The following FRMPD1 variants were observed in gnomAD, a reference collection of about 807,000 sequenced individuals.
The protein encoded by FRMPD1 is FERM and PDZ domain-containing protein 1.
A neutral mutation model predicts 117.8 loss-of-function variants in FRMPD1; 76 were observed. The observed-to-expected ratio is 0.65, with a 90% confidence interval of 0.54 to 0.78. The LOEUF is 0.78. Among genes scored for constraint, FRMPD1 ranks in the 30% least tolerant of loss-of-function variants. FRMPD1 has a pLI of 0.00. For missense variants in FRMPD1, 1,786 were observed against 1,964.5 expected, an observed-to-expected ratio of 0.91 and a Z score of 1.72; for synonymous variants, 783 against 770.4, an observed-to-expected ratio of 1.02 and a Z score of -0.27.
At chr9:37,730,308 C>T (rs550163411) in intron 8 of FRMPD1, among the ~76,000 whole-genome samples, 2 of 152,308 alleles carry the variant, frequency 1.3e-5, no homozygotes, top group South Asian at 4.1e-4. Flanking sequence ...CGGTCTATAT[C>T]ACTCAATCTC....
At chr9:37,654,197 T>C (rs1260169481) in intron 1 of FRMPD1, among the ~76,000 whole-genome samples, 1 of 152,194 alleles carries the variant, frequency 6.6e-6, no homozygotes, top group South Asian at 2.1e-4. Context: ...AAGAAGTCAT[T>C]ACATAAATAA....
chr9:37,720,899 G>A, intron 6 of FRMPD1, among the ~76,000 whole-genome samples: 1 of 152,330 alleles, frequency 6.6e-6, no homozygotes, highest in East Asian at 1.9e-4. Flanking sequence ...AAAAAATTAA[G>A]TTTCGATTCA....
chr9:37,669,088 G>A (rs987829696), intron 1 of FRMPD1, among the ~76,000 whole-genome samples: 5 of 152,136 alleles, frequency 3.3e-5, no homozygotes, highest in African/African-American at 1.2e-4. Flanking sequence ...ATCAGGACTT[G>A]GATCCAGGTC....
intron 1 of FRMPD1, among the ~76,000 whole-genome samples, chr9:37,672,808 G>GC (rs1289967881): frequency 6.6e-6 from 1 of 152,120 alleles, no homozygotes; most frequent in Non-Finnish European, 1.5e-5. Context: ...AAAAGTGGAA[G>GC]CCCCCAATAA....
chr9:37,604,901 A>C, the FRMPD1 span, among the ~76,000 whole-genome samples: 3 of 152,254 alleles, frequency 2.0e-5, no homozygotes, highest in South Asian at 6.2e-4. Context: ...CTGCTGTGCC[A>C]AGCATGGTTC....
At chr9:37,737,070 C>T (rs1347964635) in intron 13 of FRMPD1, 26 bp from the exon 14 acceptor site, 2 of 1,595,148 alleles carry the variant, frequency 1.3e-6, no homozygotes, top group Non-Finnish European at 1.7e-6. Context: ...CCTTGATAAA[C>T]ATGAGATTTC....
At chr9:37,726,765 T>A (rs1042897766) in intron 7 of FRMPD1, among the ~76,000 whole-genome samples, 1 of 151,620 alleles carries the variant, frequency 6.6e-6, no homozygotes, top group African/African-American at 2.4e-5. Context: ...AAGCCTGAAG[T>A]CTTGGGGTGG....
intron 7 of FRMPD1, among the ~76,000 whole-genome samples, chr9:37,729,382 C>CCA (rs1823758976): frequency 1.8e-5 from 1 of 54,716 alleles, no homozygotes; most frequent in Non-Finnish European, 2.9e-5. Context: ...GAGACCCTCT[C>CCA]AAAAAAAAAA....
At chr9:37,616,480 G>T in the FRMPD1 span, among the ~76,000 whole-genome samples, 16 of 152,160 alleles carry the variant, frequency 1.1e-4, no homozygotes, top group African/African-American at 3.9e-4. Flanking sequence ...GATTGGAGTT[G>T]CTTATGGTCA....
the FRMPD1 span, among the ~76,000 whole-genome samples, chr9:37,622,921 A>T: frequency 6.6e-6 from 1 of 152,200 alleles, no homozygotes; most frequent in Admixed American, 6.5e-5. Flanking sequence ...AGAAAAGAAA[A>T]AAAAAAACAA....
chr9:37,685,589 T>C (rs527533464), intron 1 of FRMPD1, among the ~76,000 whole-genome samples: 1 of 152,172 alleles, frequency 6.6e-6, no homozygotes, highest in East Asian at 1.9e-4. Flanking sequence ...GAGGCGGAGA[T>C]TGCGGTGAGC....
At chr9:37,736,927 G>T (rs1252571252) in intron 13 of FRMPD1, among the ~76,000 whole-genome samples, 169 bp from the exon 14 acceptor site, 1 of 151,864 alleles carries the variant, frequency 6.6e-6, no homozygotes, top group Admixed American at 6.6e-5. Flanking sequence ...GTACATGCAT[G>T]TCCTCATTTA....
At chr9:37,642,932 C>T in the FRMPD1 span, among the ~76,000 whole-genome samples, 1 of 152,264 alleles carries the variant, frequency 6.6e-6, no homozygotes, top group South Asian at 2.1e-4. Flanking sequence ...CTTTTTCCTG[C>T]CTCCCTGTGG....
the FRMPD1 span, chr9:37,636,905 A>G: frequency 4.3e-3 from 6,952 of 1,609,350 alleles, 28 homozygotes; most frequent in Non-Finnish European, 5.4e-3. Flanking sequence ...GTTGTCCACC[A>G]CCTTCTTGGT....
the FRMPD1 span, among the ~76,000 whole-genome samples, chr9:37,643,004 C>T: frequency 6.5e-4 from 99 of 152,262 alleles, no homozygotes; most frequent in African/African-American, 2.4e-3. Flanking sequence ...GAGTGTATCT[C>T]TCTGTATAGT....
At chr9:37,683,593 A>G (rs376948683) in intron 1 of FRMPD1, among the ~76,000 whole-genome samples, 1 of 152,236 alleles carries the variant, frequency 6.6e-6, no homozygotes, top group Non-Finnish European at 1.5e-5. Context: ...ATCTGCAGAG[A>G]CACGAGGGCA....
At chr9:37,637,723 G>C in the FRMPD1 span, among the ~76,000 whole-genome samples, 1 of 152,192 alleles carries the variant, frequency 6.6e-6, no homozygotes, top group Non-Finnish European at 1.5e-5. Flanking sequence ...TTGCTCATCC[G>C]TAAGACAGGA....
intron 1 of FRMPD1, among the ~76,000 whole-genome samples, chr9:37,685,414 C>T (rs367806980): frequency 5.5e-4 from 83 of 151,952 alleles, no homozygotes; most frequent in Non-Finnish European, 8.7e-4. Flanking sequence ...GAGGCCAAGG[C>T]GGGCGGATCA....
chr9:37,739,848 GCCT>G (rs1824297354), intron 14 of FRMPD1, among the ~76,000 whole-genome samples: 2 of 152,152 alleles, frequency 1.3e-5, no homozygotes, highest in Admixed American at 1.3e-4. Context: ...AGTTAATCCA[GCCT>G]CCTTTAGCTC....
Sources: gnomAD v4.1 joint callset for allele counts (sites outside exome capture counted in the v4.1 genomes callset) on GRCh38, gnomAD v4.1.1 for gene constraint, MANE v1.5 for transcripts, NCBI Gene and HGNC (gene_info 2026-07-23, HGNC 2026-07-21) for gene names.